The following SMC1B variants were observed in gnomAD, a reference collection of about 807,000 sequenced individuals.
SMC1B encodes the protein structural maintenance of chromosomes 1B.
A neutral mutation model predicts 157.9 loss-of-function variants in SMC1B; 60 were observed. The ratio of observed to expected loss-of-function variants is 0.38; its 90% CI spans 0.31 to 0.47. SMC1B has a LOEUF of 0.47. Among genes scored for constraint, SMC1B ranks in the 20% least tolerant of loss-of-function variants. The pLI, the probability that SMC1B is intolerant of heterozygous loss-of-function variation, is 0.99. For synonymous variants in SMC1B, 445 were observed against 483.0 expected (o/e 0.92, Z 1.03); for missense variants, 1,165 against 1,426.2 (o/e 0.82, Z 2.95).
intron 17 of SMC1B, among the ~76,000 whole-genome samples, chr22:45,361,117 TGAG>T (rs2086717781): frequency 6.6e-6 from 1 of 152,178 alleles, no homozygotes. Context: ...CCATTACTGA[TGAG>T]GAAATTAAGG....
chr22:45,379,088 T>C (rs1423964566), intron 12 of SMC1B, among the ~76,000 whole-genome samples: 5 of 152,176 alleles, frequency 3.3e-5, no homozygotes, highest in Non-Finnish European at 1.5e-5. Context: ...TTCAAGCAAT[T>C]CTCCTGCCTC....
chr22:45,377,610 C>T (rs1037391724), intron 12 of SMC1B, among the ~76,000 whole-genome samples: 2 of 150,698 alleles, frequency 1.3e-5, no homozygotes. Flanking sequence ...GTACTCTAGC[C>T]TGGGCAACAG....
intron 23 of SMC1B, 56 bp downstream of exon 23, chr22:45,349,672 C>T: frequency 8.7e-6 from 13 of 1,489,390 alleles, no homozygotes; most frequent in Non-Finnish European, 1.2e-5. Context: ...CATTGCTTGC[C>T]TCACATGATC....
At chr22:45,377,076 T>C (rs2086890351) in intron 12 of SMC1B, among the ~76,000 whole-genome samples, 1 of 151,886 alleles carries the variant, frequency 6.6e-6, no homozygotes, top group African/African-American at 2.4e-5. Context: ...AACATTTCAC[T>C]TTTTTTTGTT....
At chr22:45,368,921 C>T (rs1029688003) in intron 15 of SMC1B, among the ~76,000 whole-genome samples, 1 of 152,128 alleles carries the variant, frequency 6.6e-6, no homozygotes, top group Non-Finnish European at 1.5e-5. Context: ...CTATCTGTAC[C>T]TGGTGTATTT....
At chr22:45,379,182 A>G (rs551751748) in intron 12 of SMC1B, among the ~76,000 whole-genome samples, 1 of 152,308 alleles carries the variant, frequency 6.6e-6, no homozygotes, top group Admixed American at 6.5e-5. Flanking sequence ...GGGTTTCACT[A>G]TGTTGGCCAG....
At chr22:45,364,593 G>A (rs1165711828) in intron 15 of SMC1B, among the ~76,000 whole-genome samples, 1 of 152,144 alleles carries the variant, frequency 6.6e-6, no homozygotes, top group East Asian at 1.9e-4. Context: ...CTCAGACAGG[G>A]GGACAACAGA....
Position 45,406,643 on chromosome 22 carries a change from T to C in SMC1B, c.432A>G (p.Ser144=). 6.2e-7 allele frequency: 1 copy of C among 1,613,174 alleles called. No homozygotes were observed. Among genetic ancestry groups the C allele is most frequent in the Non-Finnish European group, 8.5e-7 (1 of 1,179,734 alleles). The part of the protein sequence containing the change: ...LVFQGTVESI[S]VKKPKERTQF... ...GGGTCCTTTCTTTGGGTTTCTTCAC[T>C]GAAATTGACTCTACAGTTCCCTTTT... The change falls in exon 4 of 25, where the codon TCA becomes TCG. Residue 144 remains serine, a synonymous_variant. Transcript: ENST00000357450.
chr22:45,402,198 AT>A, intron 5 of SMC1B, 134 bp downstream of exon 5: 1 of 697,896 alleles, frequency 1.4e-6, no homozygotes, highest in Admixed American at 2.8e-5. Flanking sequence ...TATCTTTATA[AT>A]TTTTCTGTAT....
intron 18 of SMC1B, 141 bp from the exon 19 acceptor site, chr22:45,358,936 A>G: frequency 2.1e-6 from 1 of 471,184 alleles, no homozygotes; most frequent in Non-Finnish European, 3.7e-6. Flanking sequence ...TATAATAATA[A>G]AAAAGTTTGA....
At chr22:45,371,923 A>T (rs949850210) in intron 13 of SMC1B, among the ~76,000 whole-genome samples, 1 of 151,976 alleles carries the variant, frequency 6.6e-6, no homozygotes. Context: ...CATGCCTGTA[A>T]TCCCAGCTAC....
In SMC1B at chr22:45,345,568, A is replaced by G; in HGVS notation, c.3497T>C (p.Val1166Ala). Residue 1166 changes from valine to alanine, a missense_variant and splice_region_variant, in exon 24 of 25, where the codon GTG (valine) becomes GCG (alanine). Coordinates refer to ENST00000357450, the MANE Select transcript of SMC1B (RefSeq NM_148674.5). ...AGTTTGCTCTTTGATGTAACTTGAC[A>G]CCTGGAAGAAATAAAAACACACATT... ...AALDNTNIGK[V>A]SSYIKEQTQD... The G allele has an allele frequency of 6.3e-7, 1 of 1,581,698 alleles. No individual in the cohort carries two copies. The highest frequency in any genetic ancestry group is 1.1e-5 in the South Asian group (1 of 90,358).
Position 45,406,505 on chromosome 22 carries a change from T to A in SMC1B, c.570A>T (p.Lys190Asn), listed in dbSNP as rs1445322456. 1.2e-6 allele frequency: 2 copies of A among 1,612,276 alleles called. No individual in the cohort carries two copies. The highest frequency in any genetic ancestry group is 1.7e-6 in the Non-Finnish European group (2 of 1,179,824). The change falls in exon 4 of 25, where the codon AAA becomes AAT. Residue 190 changes from lysine to asparagine, a missense_variant. By Grantham distance (94) the Lys-to-Asn change is moderately conservative (BLOSUM62 0). Coordinates refer to ENST00000357450, the MANE Select transcript of SMC1B (RefSeq NM_148674.5). Reference sequence around the variant, plus strand: ...CTTGTCTGCGCTCTGCCGCTATATTTTTTTTCTTATTAAAGTTAAACTGTG... The same window carrying A: ...CTTGTCTGCGCTCTGCCGCTATATTATTTTTCTTATTAAAGTTAAACTGTG... ...EDAQFNFNKK[K>N]NIAAERRQAK...
Position 45,394,740 on chromosome 22 carries a change from T to A in SMC1B, c.1282A>T (p.Ile428Leu), listed in dbSNP as rs752770895. ...QGNLKQIKEQ[I>L]EDHKKRIEKL... Reference sequence around the variant, plus strand: ...TCTATTCGTTTTTTATGATCTTCTATTTGTTCTTTTATTTGTTTTAGATTT... The same window carrying A: ...TCTATTCGTTTTTTATGATCTTCTAATTGTTCTTTTATTTGTTTTAGATTT... The change falls in exon 8 of 25, where the codon ATA becomes TTA. Residue 428 changes from isoleucine (I) to leucine (L), a missense_variant. Transcript: ENST00000357450. 6.4e-7 allele frequency: 1 copy of A among 1,555,388 alleles called. No individual in the cohort carries two copies. The highest frequency in any genetic ancestry group is 8.7e-7 in the Non-Finnish European group (1 of 1,144,194).
rs2086675834 is a variant in SMC1B, at chr22:45,356,901, TTG to T, written c.2962-1788_2962-1787del. On this transcript the variant is annotated intron_variant, in intron 19 of 24. Coordinates refer to ENST00000357450, the MANE Select transcript of SMC1B (RefSeq NM_148674.5). ...CGTGCCACTGTGCCCGGCTAATTTT[TTG>T]TGTGTTTTTAGTGGAGACAGGGTTT... Among the ~76,000 whole-genome samples, 3 of 151,846 alleles carry T rather than the reference TTG, an allele frequency of 2.0e-5. No individual in the cohort carries two copies. The South Asian group carries it at 6.2e-4, about 32-fold the overall frequency.
rs1342341524 is a variant in SMC1B, at chr22:45,361,212, T to C, written c.2708+627A>G. 2.6e-5 allele frequency among the ~76,000 whole-genome samples: 4 copies of C among 152,166 alleles called. No individual in the cohort carries two copies. The East Asian group carries it at 7.7e-4, about 29-fold the overall frequency. ...CTATCTCCTTACCCTCTGTGCTATC[T>C]TGCACAGACTAGAGGGAATCTCTGT... On this transcript the variant is annotated intron_variant, in intron 17 of 24. Coordinates refer to ENST00000357450, the MANE Select transcript of SMC1B (RefSeq NM_148674.5).
chr22:45,353,479 A>G (rs185013064), intron 21 of SMC1B, among the ~76,000 whole-genome samples: 2 of 152,232 alleles, frequency 1.3e-5, no homozygotes, highest in African/African-American at 2.4e-5. Context: ...AGTATTTGCT[A>G]TGGATACTGA....
chr22:45,403,547 G>A (rs996267295), intron 4 of SMC1B, among the ~76,000 whole-genome samples: 1 of 152,160 alleles, frequency 6.6e-6, no homozygotes, highest in African/African-American at 2.4e-5. Flanking sequence ...TCGACCTCCT[G>A]GGCCCAAGAG....
At chr22:45,412,961 G>C (rs1004733344) in intron 1 of SMC1B, among the ~76,000 whole-genome samples, 14 of 152,204 alleles carry the variant, frequency 9.2e-5, no homozygotes, top group African/African-American at 3.4e-4. Context: ...AGTGACCAGG[G>C]CCAAGGGCAA....
Sources: allele counts gnomAD v4.1 joint callset (sites outside exome capture counted in the v4.1 genomes callset), GRCh38; gene constraint gnomAD v4.1.1; transcripts MANE v1.5; gene names NCBI Gene and HGNC (gene_info 2026-07-23, HGNC 2026-07-21).